Variants in CCDC171 observed in about 807,000 individuals in gnomAD.
CCDC171 encodes coiled-coil domain-containing protein 171.
CCDC171 carries 177 observed loss-of-function variants against 168.2 expected under a neutral mutation model. That is an observed-to-expected ratio of 1.05 (90% confidence interval 0.93 to 1.19). The LOEUF is 1.19. CCDC171 is among the 50% of genes most tolerant of loss of function. The probability of loss-of-function intolerance (pLI) is 0.00; values close to 1 mark genes in which losing one functional copy is unlikely to be tolerated. For missense variants in CCDC171, 1,991 were observed against 1,539.0 expected (o/e 1.29, Z -4.91); for synonymous variants, 687 against 540.8 (o/e 1.27, Z -3.75).
chr9:15,840,988 CT>C lies in CCDC171; in HGVS notation c.3268-5708del, dbSNP rs538911829. ...CAGTTAGTTTACTGGGAAGAATTAG[CT>C]TTTTTATTTTATATTGACACCATTT... On this transcript the variant is annotated intron_variant, in intron 21 of 25. Coordinates refer to ENST00000380701, the MANE Select transcript of CCDC171 (RefSeq NM_173550.4). Among the ~76,000 whole-genome samples the C allele has an allele frequency of 1.0e-3, 159 of 151,876 alleles. 1 individual carries two copies. The highest frequency in any genetic ancestry group is 3.7e-3 in the African/African-American group (152 of 41,464).
intron 6 of CCDC171, among the ~76,000 whole-genome samples, chr9:15,613,827 A>C (rs528260503): frequency 7.2e-5 from 11 of 152,254 alleles, no homozygotes; most frequent in African/African-American, 2.4e-4. Context: ...CTGGACCTTG[A>C]TTTGCATTTT....
intron 21 of CCDC171, among the ~76,000 whole-genome samples, chr9:15,806,165 G>T (rs1056408965): frequency 1.1e-4 from 16 of 152,034 alleles, no homozygotes; most frequent in African/African-American, 3.9e-4. Flanking sequence ...ACAGCATACC[G>T]ATGGGTCTTG....
At chr9:15,933,674 G>A (rs988947877) in intron 25 of CCDC171, among the ~76,000 whole-genome samples, 1 of 151,788 alleles carries the variant, frequency 6.6e-6, no homozygotes, top group African/African-American at 2.4e-5. Flanking sequence ...ATAGATTTTG[G>A]TACGATATGT....
chr9:15,918,758 T>C (rs1374120086), intron 24 of CCDC171, among the ~76,000 whole-genome samples: 1 of 151,590 alleles, frequency 6.6e-6, no homozygotes, highest in African/African-American at 2.4e-5. Flanking sequence ...GCTTCTGCTT[T>C]TTTTCAACTT....
chr9:15,752,109 A>G (rs1174024449), intron 18 of CCDC171, among the ~76,000 whole-genome samples: 1 of 152,258 alleles, frequency 6.6e-6, no homozygotes, highest in African/African-American at 2.4e-5. Flanking sequence ...ATGAACAGAC[A>G]CTTCTCAAAA....
chr9:16,013,034 C>T (rs771809969), intron 3 of CCDC171, among the ~76,000 whole-genome samples: 2 of 152,180 alleles, frequency 1.3e-5, no homozygotes, highest in African/African-American at 4.8e-5. Flanking sequence ...CTGGGGAACA[C>T]CTTCACCCAT....
intron 25 of CCDC171, among the ~76,000 whole-genome samples, chr9:15,942,265 C>T (rs1827815019): frequency 6.6e-6 from 1 of 151,872 alleles, no homozygotes; most frequent in African/African-American, 2.4e-5. Flanking sequence ...ATTATAAATT[C>T]CAAATTATGT....
intron 6 of CCDC171, among the ~76,000 whole-genome samples, chr9:15,603,486 C>G (rs181923894): frequency 1.7e-4 from 26 of 152,268 alleles, no homozygotes; most frequent in Non-Finnish European, 3.5e-4. Context: ...TTCCCACTTA[C>G]AAGTGAGAAC....
chr9:15,660,346 G>A (rs973195823), intron 8 of CCDC171, among the ~76,000 whole-genome samples: 4 of 151,936 alleles, frequency 2.6e-5, no homozygotes, highest in Admixed American at 6.6e-5. Context: ...TAGATTCCGG[G>A]GGTACATGTG....
chr9:15,662,314 A>G (rs1472381078), intron 8 of CCDC171, among the ~76,000 whole-genome samples: 1 of 151,980 alleles, frequency 6.6e-6, no homozygotes, highest in Admixed American at 6.6e-5. Flanking sequence ...AAACATTTCA[A>G]TTATTCCAGA....
At chr9:15,789,324 C>T (rs1027589333) in intron 21 of CCDC171, among the ~76,000 whole-genome samples, 2 of 152,108 alleles carry the variant, frequency 1.3e-5, no homozygotes, top group Non-Finnish European at 2.9e-5. Context: ...TGGTCCTGAG[C>T]ATTTTACATA....
At chr9:15,771,751 A>G (rs2057024743) in intron 18 of CCDC171, among the ~76,000 whole-genome samples, 1 of 152,196 alleles carries the variant, frequency 6.6e-6, no homozygotes. Context: ...GATACATTAA[A>G]TCTTGAGTTT....
intron 21 of CCDC171, among the ~76,000 whole-genome samples, chr9:15,788,810 C>T (rs2058100858): frequency 6.6e-6 from 1 of 152,032 alleles, no homozygotes; most frequent in African/African-American, 2.4e-5. Context: ...GTCTTGGCCT[C>T]CCAAAGTGCT....
At chr9:15,676,978 G>T (rs985773757) in intron 9 of CCDC171, among the ~76,000 whole-genome samples, 1 of 152,076 alleles carries the variant, frequency 6.6e-6, no homozygotes, top group Non-Finnish European at 1.5e-5. Flanking sequence ...TTCCATACTT[G>T]ATGGGCACTC....
downstream of CCDC171, among the ~76,000 whole-genome samples, chr9:16,065,800 T>TGTGTGCGTG (rs1554717489): frequency 7.8e-5 from 11 of 140,166 alleles, no homozygotes; most frequent in African/African-American, 3.1e-4. Flanking sequence ...CCTATGGGTT[T>TGTGTGCGTG]GTGTGCATGG....
At chr9:15,893,012 A>G (rs1221632905) in intron 24 of CCDC171, among the ~76,000 whole-genome samples, 1 of 152,240 alleles carries the variant, frequency 6.6e-6, no homozygotes, top group Non-Finnish European at 1.5e-5. Flanking sequence ...AGCTTGAGGC[A>G]TCATGCTGTC....
chr9:15,848,631 C>A (rs1230031428), intron 22 of CCDC171, among the ~76,000 whole-genome samples: 1 of 151,106 alleles, frequency 6.6e-6, no homozygotes, highest in Admixed American at 6.6e-5. Flanking sequence ...TCTCCCCCAC[C>A]CCAATTTAGG....
intron 21 of CCDC171, among the ~76,000 whole-genome samples, chr9:15,801,813 C>CT (rs1404277614): frequency 6.6e-6 from 1 of 151,710 alleles, no homozygotes; most frequent in Non-Finnish European, 1.5e-5. Flanking sequence ...TTTTTTTAGG[C>CT]TTTTTTAAAA....
chr9:15,568,108 A>G (rs1489272111), intron 2 of CCDC171, among the ~76,000 whole-genome samples: 1 of 151,864 alleles, frequency 6.6e-6, no homozygotes, highest in East Asian at 1.9e-4. Flanking sequence ...GCTGAAATTG[A>G]TTTTAGTTCT....
Sources: allele counts gnomAD v4.1 joint callset (sites outside exome capture counted in the v4.1 genomes callset), GRCh38; gene constraint gnomAD v4.1.1; transcripts MANE v1.5; gene names NCBI Gene and HGNC (gene_info 2026-07-23, HGNC 2026-07-21).